Variants in FARP1 observed in about 807,000 individuals in gnomAD.
The protein encoded by FARP1 is FERM, ARH/RhoGEF and pleckstrin domain protein 1.
In FARP1, 52 loss-of-function variants were observed where a neutral mutation model predicts 128.8. The ratio of observed to expected loss-of-function variants is 0.40; its 90% CI spans 0.32 to 0.51. The LOEUF is 0.51. Among genes scored for constraint, FARP1 ranks in the 20% least tolerant of loss-of-function variants. The pLI is 0.45. For missense variants in FARP1, 1,333 were observed against 1,367.9 expected, an observed-to-expected ratio of 0.97 and a Z score of 0.40; for synonymous variants, 580 against 551.8, an observed-to-expected ratio of 1.05 and a Z score of -0.72.
chr13:98,446,268 G>A, intron 25 of FARP1, 63 bp downstream of exon 25: 2 of 1,056,436 alleles, frequency 1.9e-6, no homozygotes, highest in Non-Finnish European at 1.5e-6. Context: ...GAGGTGAGGG[G>A]GCCGCCCTCC....
chr13:98,175,887 A>T (rs1221049206), intron 1 of FARP1: 5 of 444,690 alleles, frequency 1.1e-5, no homozygotes, highest in African/African-American at 2.0e-5. Flanking sequence ...CTTTAAAAGG[A>T]TTTCCTTCCC....
At chr13:98,351,285 A>G (rs1448963315) in intron 3 of FARP1, among the ~76,000 whole-genome samples, 1 of 152,214 alleles carries the variant, frequency 6.6e-6, no homozygotes, top group Non-Finnish European at 1.5e-5. Flanking sequence ...TTGTGTTGCT[A>G]TAAGTAAATA....
intron 24 of FARP1, 78 bp downstream of exon 24, chr13:98,440,914 G>C: frequency 7.0e-7 from 1 of 1,422,964 alleles, no homozygotes; most frequent in South Asian, 1.2e-5. Context: ...TGGGCCAGGG[G>C]CTTGAGGGAG....
rs527999945 is a variant in FARP1, at chr13:98,270,338, A to G, written c.171+56925A>G. ...ATCCTCAGTAATATACAAGTAGTAT[A>G]TCCGTCAAAAGGGTTTTGTGCTTAT... is the stretch of plus-strand genomic sequence containing the variant. On this transcript the variant is annotated intron_variant, in intron 2 of 26. Coordinates refer to ENST00000319562, the MANE Select transcript of FARP1 (RefSeq NM_005766.4). 5.3e-5 allele frequency among the ~76,000 whole-genome samples: 8 copies of G among 152,176 alleles called. No individual in the cohort carries two copies. In the South Asian group the frequency reaches 1.2e-3, roughly 24 times the overall value.
chr13:98,301,895 G>A (rs9300476), intron 2 of FARP1, among the ~76,000 whole-genome samples: 134,147 of 152,058 alleles, frequency 0.88, 59,236 homozygotes, highest in East Asian at 1. Context: ...CAACAGCCTT[G>A]TTAATTCGGG....
intron 3 of FARP1, among the ~76,000 whole-genome samples, chr13:98,357,403 AG>A (rs1247546868): frequency 3.3e-5 from 5 of 152,338 alleles, no homozygotes; most frequent in Non-Finnish European, 7.3e-5. Context: ...ACTGTACATT[AG>A]GCTGCTTAAA....
At chr13:98,210,895 T>A (rs917953648) in intron 1 of FARP1, among the ~76,000 whole-genome samples, 2 of 152,162 alleles carry the variant, frequency 1.3e-5, no homozygotes, top group Non-Finnish European at 2.9e-5. Context: ...ATTTTTAACA[T>A]TGGGTTAGTT....
At chr13:98,351,002 C>T (rs973808688) in intron 3 of FARP1, among the ~76,000 whole-genome samples, 10 of 136,678 alleles carry the variant, frequency 7.3e-5, no homozygotes, top group Middle Eastern at 3.8e-3. Context: ...GCCTCGCCTC[C>T]CCTGCCCAGC....
At chr13:98,337,581 G>A (rs1261774481) in intron 2 of FARP1, among the ~76,000 whole-genome samples, 1 of 141,696 alleles carries the variant, frequency 7.1e-6, no homozygotes, top group African/African-American at 2.8e-5. Context: ...GTGTGTGTGT[G>A]TGTGTGTTTT....
intron 2 of FARP1, among the ~76,000 whole-genome samples, chr13:98,282,139 T>G (rs1344251690): frequency 6.6e-6 from 1 of 151,882 alleles, no homozygotes; most frequent in African/African-American, 2.4e-5. Context: ...ACCCTGTCTC[T>G]AAAAAAATGG....
intron 2 of FARP1, among the ~76,000 whole-genome samples, chr13:98,227,051 T>A (rs1392760410): frequency 7.2e-5 from 11 of 152,152 alleles, no homozygotes; most frequent in African/African-American, 2.6e-4. Context: ...CGTCATTCTC[T>A]AGCCTCAGCC....
chr13:98,408,322 C>CTTTTTTT (rs34532263), intron 13 of FARP1, among the ~76,000 whole-genome samples: 6 of 90,146 alleles, frequency 6.7e-5, no homozygotes, highest in Non-Finnish European at 8.2e-5. Context: ...GTAATATATA[C>CTTTTTTT]TTTTTTTTTT....
At chr13:98,369,423 G>C (rs540577192) in intron 5 of FARP1, among the ~76,000 whole-genome samples, 68 of 146,292 alleles carry the variant, frequency 4.6e-4, no homozygotes, top group African/African-American at 1.7e-3. Context: ...GTGCAGGTTA[G>C]TTACATATGT....
At chr13:98,328,724 G>A (rs1034737031) in intron 2 of FARP1, 2 of 152,214 alleles carry the variant, frequency 1.3e-5, no homozygotes, top group African/African-American at 2.4e-5. Context: ...AATTCAGGGA[G>A]ACTTGAACAC....
chr13:98,210,021 A>C (rs1880578492), intron 1 of FARP1, among the ~76,000 whole-genome samples: 1 of 151,250 alleles, frequency 6.6e-6, no homozygotes, highest in East Asian at 1.9e-4. Flanking sequence ...TAGTAAAATA[A>C]AATTAATAAA....
At chr13:98,160,487 A>G (rs963887334) in intron 1 of FARP1, among the ~76,000 whole-genome samples, 13 of 152,180 alleles carry the variant, frequency 8.5e-5, no homozygotes, top group African/African-American at 2.9e-4. Flanking sequence ...TCGTTTCTTT[A>G]AAAGCTTTTT....
chr13:98,446,415 T>C, intron 25 of FARP1: 1 of 601,954 alleles, frequency 1.7e-6, no homozygotes, highest in South Asian at 2.0e-5. Context: ...ACTTCTGCCC[T>C]AGGAAGGGCC....
chr13:98,317,790 G>A (rs1370446683), intron 2 of FARP1, among the ~76,000 whole-genome samples: 2 of 152,168 alleles, frequency 1.3e-5, no homozygotes, highest in Admixed American at 6.5e-5. Flanking sequence ...CCTGGTGAGG[G>A]CTCTCTTCCT....
In FARP1 at chr13:98,291,637, C is replaced by T. The variant is rs568573071; in HGVS notation, c.172-52125C>T. Among the ~76,000 whole-genome samples, 28 of 152,318 alleles carry T rather than the reference C, an allele frequency of 1.8e-4. 1 individual carries two copies. In the South Asian group the frequency reaches 5.8e-3, roughly 32 times the overall value. ...CCCAGCAACACTGTTCTGAGCCCCT[C>T]AGCAAGATTCCATGTCCTGGTGCAG... is the stretch of plus-strand genomic sequence containing the variant. On this transcript the variant is annotated intron_variant, in intron 2 of 26. Coordinates refer to ENST00000319562, the MANE Select transcript of FARP1 (RefSeq NM_005766.4).
Sources: gnomAD v4.1 joint callset for allele counts (sites outside exome capture counted in the v4.1 genomes callset) on GRCh38, gnomAD v4.1.1 for gene constraint, MANE v1.5 for transcripts, NCBI Gene and HGNC (gene_info 2026-07-23, HGNC 2026-07-21) for gene names.